Variants in KIAA1671 observed in about 807,000 individuals in gnomAD.
KIAA1671 encodes the protein KIAA1671.
A neutral mutation model predicts 131.2 loss-of-function variants in KIAA1671; 52 were observed. That is an observed-to-expected ratio of 0.40 (90% CI 0.32 to 0.50). The LOEUF (loss-of-function observed/expected upper bound fraction) is 0.50, where lower values mean the gene tolerates loss of function less well. KIAA1671 is among the 20% of genes least tolerant of loss of function. The pLI is 0.73. For missense variants in KIAA1671, 2,360 were observed against 2,364.2 expected (o/e 1.00, Z 0.04); for synonymous variants, 1,003 against 961.6 (o/e 1.04, Z -0.80).
Position 25,040,284 on chromosome 22 carries a change from C to T in KIAA1671, c.3154C>T (p.Leu1052=), listed in dbSNP as rs1176315744. Reference sequence around the variant, plus strand: ...GGTTCTGTCAGGAGCTGAAAGCTTGCTGGAACATTCTAGAAAAATCACTCC... The same window carrying T: ...GGTTCTGTCAGGAGCTGAAAGCTTGTTGGAACATTCTAGAAAAATCACTCC... ...GVVLSGAESL[L]EHSRKITPPS... is the part of the protein sequence containing the mutation. The change falls in exon 5 of 13, where the codon CTG becomes TTG. Residue 1052 remains leucine, a synonymous_variant. Coordinates refer to ENST00000358431, the MANE Select transcript of KIAA1671 (RefSeq NM_001145206.2). 2.6e-6 allele frequency: 4 copies of T among 1,551,708 alleles called. No individual in the cohort carries two copies. Among genetic ancestry groups the T allele is most frequent in the South Asian group, 2.4e-5 (2 of 84,062 alleles).
At chr22:25,139,177 A>C (rs920625834) in intron 6 of KIAA1671, among the ~76,000 whole-genome samples, 8 of 152,240 alleles carry the variant, frequency 5.3e-5, no homozygotes, top group African/African-American at 1.9e-4. Context: ...TATTTATAGA[A>C]GAAATGCTCA....
At chr22:25,188,288 G>A (rs1350750835) in intron 11 of KIAA1671, among the ~76,000 whole-genome samples, 4 of 147,340 alleles carry the variant, frequency 2.7e-5, no homozygotes, top group African/African-American at 1.0e-4. Context: ...GCGACAGAGA[G>A]AGACTCCGTC....
At chr22:25,047,990 G>A (rs969174813) in intron 5 of KIAA1671, among the ~76,000 whole-genome samples, 1 of 152,138 alleles carries the variant, frequency 6.6e-6, no homozygotes, top group Non-Finnish European at 1.5e-5. Flanking sequence ...AGTTGATTTT[G>A]GTATATAGTA....
At chr22:25,135,023 C>T (rs1568973914) in intron 6 of KIAA1671, among the ~76,000 whole-genome samples, 1 of 152,118 alleles carries the variant, frequency 6.6e-6, no homozygotes, top group Non-Finnish European at 1.5e-5. Context: ...TGGGTAGATT[C>T]ATTGAGTTGC....
chr22:25,104,088 C>G (rs1930858531), intron 6 of KIAA1671, among the ~76,000 whole-genome samples: 1 of 152,162 alleles, frequency 6.6e-6, no homozygotes, highest in Admixed American at 6.5e-5. Flanking sequence ...AAGCGATTCT[C>G]CTGCCTCAGC....
At chr22:25,045,493 GA>G (rs1927173155) in intron 5 of KIAA1671, among the ~76,000 whole-genome samples, 1 of 152,230 alleles carries the variant, frequency 6.6e-6, no homozygotes, top group African/African-American at 2.4e-5. Context: ...CCCTGGTCTA[GA>G]CACAGACATA....
intron 6 of KIAA1671, among the ~76,000 whole-genome samples, chr22:25,084,751 A>G (rs901022025): frequency 6.6e-6 from 1 of 152,208 alleles, no homozygotes; most frequent in Admixed American, 6.5e-5. Flanking sequence ...AGAACCATCT[A>G]GAGTCTTCTT....
At chr22:25,128,204 G>A (rs1207174287) in intron 6 of KIAA1671, among the ~76,000 whole-genome samples, 1 of 152,202 alleles carries the variant, frequency 6.6e-6, no homozygotes, top group Non-Finnish European at 1.5e-5. Context: ...TCTGCTTTGT[G>A]TGGCAAGAGC....
At chr22:25,002,472 A>G (rs768737220) in intron 1 of KIAA1671, among the ~76,000 whole-genome samples, 2 of 152,064 alleles carry the variant, frequency 1.3e-5, no homozygotes, top group African/African-American at 2.4e-5. Flanking sequence ...TGATACATCA[A>G]CTTCCTTTAG....
intron 1 of KIAA1671, among the ~76,000 whole-genome samples, chr22:24,960,616 G>T (rs922123908): frequency 2.1e-5 from 3 of 145,500 alleles, no homozygotes; most frequent in African/African-American, 7.5e-5. Context: ...TTATTTAACC[G>T]ATCCCCTGTT....
At chr22:25,029,579 A>C (rs982633051) in intron 3 of KIAA1671, 39 bp downstream of exon 3, 9 of 1,410,226 alleles carry the variant, frequency 6.4e-6, no homozygotes, top group Non-Finnish European at 7.6e-6. Flanking sequence ...TCAGCCGCCC[A>C]CCCACACACC....
intron 6 of KIAA1671, among the ~76,000 whole-genome samples, chr22:25,157,861 G>A (rs141784239): frequency 1.3e-5 from 2 of 148,190 alleles, no homozygotes; most frequent in African/African-American, 5.0e-5. Context: ...TCCCTCTGTT[G>A]CCCAGGCTGG....
intron 1 of KIAA1671, among the ~76,000 whole-genome samples, chr22:24,979,277 A>G (rs1247220496): frequency 1.4e-5 from 2 of 147,424 alleles, no homozygotes; most frequent in Admixed American, 6.8e-5. Context: ...CGGCCTCCCA[A>G]TGTGCTGGGA....
Position 25,193,626 on chromosome 22 carries a change from C to T in KIAA1671, c.*1225C>T, listed in dbSNP as rs1448946105. The T allele has an allele frequency of 6.6e-6, 1 of 152,306 alleles. No homozygotes were observed. Among genetic ancestry groups the T allele is most frequent in the African/African-American group, 2.4e-5 (1 of 41,442 alleles). The allele number at this position is 152,306 out of a possible 1,614,324, so 9.4% of individuals were successfully genotyped here. ...CTGTCTCAGCTTCCTCCCTCATCTT[C>T]CTTTACCCCTCTTCTCTGTCTTAGT... On this transcript the variant is annotated 3_prime_UTR_variant, in exon 13 of 13. Coordinates refer to ENST00000358431, the MANE Select transcript of KIAA1671 (RefSeq NM_001145206.2).
intron 1 of KIAA1671, among the ~76,000 whole-genome samples, chr22:24,968,553 ATC>A (rs1391895660): frequency 6.6e-6 from 1 of 152,074 alleles, no homozygotes; most frequent in Non-Finnish European, 1.5e-5. Context: ...GGGGGTGCTG[ATC>A]TCTGTCTTTC....
chr22:25,048,536 C>G (rs1269086010), intron 5 of KIAA1671, among the ~76,000 whole-genome samples: 2 of 152,120 alleles, frequency 1.3e-5, no homozygotes, highest in African/African-American at 2.4e-5. Flanking sequence ...TTAAGCAGCT[C>G]CCTCCCATCT....
chr22:25,101,539 T>C (rs546306098), intron 6 of KIAA1671, among the ~76,000 whole-genome samples: 1 of 152,344 alleles, frequency 6.6e-6, no homozygotes, highest in South Asian at 2.1e-4. Flanking sequence ...TAAAGACATC[T>C]TAGGTCACTA....
intron 1 of KIAA1671, among the ~76,000 whole-genome samples, chr22:24,958,061 A>G (rs2123793327): frequency 6.6e-6 from 1 of 150,394 alleles, no homozygotes; most frequent in African/African-American, 2.5e-5. Flanking sequence ...CTGAGGCTTC[A>G]AGAGGTTATT....
chr22:25,025,447 G>T (rs1411518020), intron 1 of KIAA1671, among the ~76,000 whole-genome samples, 186 bp from the exon 2 acceptor site: 2 of 152,182 alleles, frequency 1.3e-5, no homozygotes, highest in Non-Finnish European at 2.9e-5. Context: ...AGCACGTACT[G>T]TGGGCTCAGC....
Sources: allele counts gnomAD v4.1 joint callset (sites outside exome capture counted in the v4.1 genomes callset), GRCh38; gene constraint gnomAD v4.1.1; transcripts MANE v1.5; gene names NCBI Gene and HGNC (gene_info 2026-07-23, HGNC 2026-07-21).